The following CEP83 variants were observed in gnomAD, a reference collection of about 807,000 sequenced individuals.
CEP83 encodes the protein centrosomal protein 83.
Under a neutral mutation model 101.9 loss-of-function variants are expected in CEP83, and 70 were observed. That is an observed-to-expected ratio of 0.69 (90% confidence interval 0.57 to 0.84). The LOEUF (loss-of-function observed/expected upper bound fraction) is 0.84. Among genes scored for constraint, CEP83 ranks in the 40% least tolerant of loss-of-function variants. The pLI, the probability that CEP83 is intolerant of heterozygous loss-of-function variation, is 0.00. For missense variants in CEP83, 715 were observed against 787.2 expected (o/e 0.91, Z 1.10); for synonymous variants, 264 against 267.9 (o/e 0.99, Z 0.14).
At chr12:94,382,607 A>G (rs143105690) in intron 6 of CEP83, among the ~76,000 whole-genome samples, 25 of 151,970 alleles carry the variant, frequency 1.6e-4, no homozygotes, top group Middle Eastern at 6.8e-3. Context: ...ACCTTGACCC[A>G]TAAATTTTTT....
At chr12:94,438,133 C>T (rs1365106689) in intron 1 of CEP83, among the ~76,000 whole-genome samples, 5 of 151,742 alleles carry the variant, frequency 3.3e-5, no homozygotes, top group African/African-American at 7.3e-5. Context: ...GCACGAGAAT[C>T]GCTTGAACCC....
At chr12:94,345,221 T>G (rs2059876200) in intron 11 of CEP83, among the ~76,000 whole-genome samples, 1 of 152,162 alleles carries the variant, frequency 6.6e-6, no homozygotes, top group Non-Finnish European at 1.5e-5. Context: ...AAAGACTTCT[T>G]GAAGAGAACA....
At chr12:94,327,991 T>C (rs985886711) in intron 14 of CEP83, among the ~76,000 whole-genome samples, 4 of 152,234 alleles carry the variant, frequency 2.6e-5, no homozygotes, top group Admixed American at 1.3e-4. Flanking sequence ...GGAGTAATCA[T>C]GGCTTCTATT....
In CEP83 at chr12:94,336,675, G is replaced by A. The variant is rs576657934; in HGVS notation, c.1344-1011C>T. Among the ~76,000 whole-genome samples, 26 of 152,282 alleles carry A rather than the reference G, an allele frequency of 1.7e-4. No individual in the cohort carries two copies. The South Asian group carries it at 5.4e-3, about 32-fold the overall frequency. On this transcript the variant is annotated intron_variant, in intron 11 of 16. Transcript: ENST00000397809. ...ACGTTTACATACAAATGCCAGAAACGATAAATCTAAAGAGGGCCAGTCCTT... is the reference window on the plus strand; with the variant it reads ...ACGTTTACATACAAATGCCAGAAACAATAAATCTAAAGAGGGCCAGTCCTT...
chr12:94,310,648 T>C (rs1206583376), intron 15 of CEP83, among the ~76,000 whole-genome samples: 1 of 152,150 alleles, frequency 6.6e-6, no homozygotes, highest in East Asian at 1.9e-4. Context: ...CTATCCATGT[T>C]TGCCCGAATA....
Position 94,346,651 on chromosome 12 carries a change from C to T in CEP83, c.1344-10987G>A, listed in dbSNP as rs1332630489. Among the ~76,000 whole-genome samples, 5 of 152,074 alleles carry T rather than the reference C, an allele frequency of 3.3e-5. No individual in the cohort carries two copies. In the South Asian group the frequency reaches 6.2e-4, roughly 19 times the overall value. ...ATCTTGTGGGACCAAGCCTTCAACC[C>T]GCAGGATCTGATGCTATCTCCATAT... On this transcript the variant is annotated intron_variant, in intron 11 of 16. Transcript: ENST00000397809.
intron 14 of CEP83, among the ~76,000 whole-genome samples, chr12:94,314,044 T>C (rs1474255130): frequency 3.3e-5 from 5 of 152,204 alleles, no homozygotes; most frequent in Non-Finnish European, 7.3e-5. Context: ...GTAAATCTTG[T>C]ATGGTTTCAT....
chr12:94,410,525 T>C (rs1302994329), intron 4 of CEP83, among the ~76,000 whole-genome samples: 1 of 152,206 alleles, frequency 6.6e-6, no homozygotes, highest in Non-Finnish European at 1.5e-5. Context: ...ACTCCAGCCT[T>C]CTGGATGTGC....
At chr12:94,336,753 C>T (rs1337347370) in intron 11 of CEP83, among the ~76,000 whole-genome samples, 3 of 152,162 alleles carry the variant, frequency 2.0e-5, no homozygotes, top group Non-Finnish European at 2.9e-5. Flanking sequence ...ATAATTCTAG[C>T]TACATGATTA....
intron 11 of CEP83, among the ~76,000 whole-genome samples, chr12:94,365,672 G>C (rs2060984396): frequency 6.6e-6 from 1 of 151,058 alleles, no homozygotes; most frequent in South Asian, 2.1e-4. Context: ...CAGGAGGCAG[G>C]AGAATCACTT....
chr12:94,351,896 A>T (rs1369848706), intron 11 of CEP83, among the ~76,000 whole-genome samples: 1 of 152,112 alleles, frequency 6.6e-6, no homozygotes, highest in Non-Finnish European at 1.5e-5. Flanking sequence ...TTCTACAAAA[A>T]CTCACAGCAG....
At chr12:94,278,546 A>G in the CEP83 span, among the ~76,000 whole-genome samples, 1 of 152,240 alleles carries the variant, frequency 6.6e-6, no homozygotes, top group Admixed American at 6.5e-5. Context: ...CAAAATGTTA[A>G]GTAATGGTGC....
the CEP83 span, chr12:94,297,563 C>A: frequency 1.6e-6 from 1 of 633,344 alleles, no homozygotes; most frequent in Non-Finnish European, 2.8e-6. Flanking sequence ...AAATTGTAAA[C>A]ACTTCCTACC....
At chr12:94,373,975 A>G (rs1385780986) in intron 8 of CEP83, among the ~76,000 whole-genome samples, 1 of 152,224 alleles carries the variant, frequency 6.6e-6, no homozygotes, top group Non-Finnish European at 1.5e-5. Flanking sequence ...TTTAAAGTTG[A>G]AGGATGGTAT....
chr12:94,324,363 T>C (rs1225699935), intron 14 of CEP83, among the ~76,000 whole-genome samples: 2 of 152,240 alleles, frequency 1.3e-5, no homozygotes, highest in Non-Finnish European at 2.9e-5. Flanking sequence ...AAGATGTTCT[T>C]AAAGAAATGT....
intron 6 of CEP83, among the ~76,000 whole-genome samples, chr12:94,389,428 A>T (rs1372623887): frequency 6.6e-6 from 1 of 152,216 alleles, no homozygotes; most frequent in African/African-American, 2.4e-5. Context: ...TTAAGTTTCA[A>T]GTTCCCAGAT....
At chr12:94,331,258 T>C (rs555266982) in intron 14 of CEP83, among the ~76,000 whole-genome samples, 1 of 107,310 alleles carries the variant, frequency 9.3e-6, no homozygotes, top group South Asian at 3.4e-4. Context: ...ACCACTGCAA[T>C]CCAACCTGGG....
At chr12:94,312,087 G>T (rs538267968) in intron 15 of CEP83, among the ~76,000 whole-genome samples, 2 of 151,334 alleles carry the variant, frequency 1.3e-5, no homozygotes, top group Non-Finnish European at 2.9e-5. Flanking sequence ...AAAAAAAAAA[G>T]AATTGAAACA....
intron 13 of CEP83, among the ~76,000 whole-genome samples, chr12:94,332,119 G>A (rs2059250375): frequency 6.6e-6 from 1 of 152,192 alleles, no homozygotes; most frequent in Non-Finnish European, 1.5e-5. Flanking sequence ...CTGAGGATTA[G>A]AGCAGTTAAC....
Sources: gnomAD v4.1 joint callset for allele counts (sites outside exome capture counted in the v4.1 genomes callset) on GRCh38, gnomAD v4.1.1 for gene constraint, MANE v1.5 for transcripts, NCBI Gene and HGNC (gene_info 2026-07-23, HGNC 2026-07-21) for gene names.